The following HUNK variants were observed in gnomAD, a reference collection of about 807,000 sequenced individuals.
HUNK encodes the protein hormonally up-regulated Neu-associated kinase.
HUNK carries 21 observed loss-of-function variants against 61.0 expected under a neutral mutation model. The ratio of observed to expected loss-of-function variants is 0.34; its 90% CI spans 0.24 to 0.50. HUNK has a LOEUF of 0.50. HUNK is among the 20% of genes least tolerant of loss of function. The probability of loss-of-function intolerance (pLI) is 0.98; values close to 1 mark genes in which losing one functional copy is unlikely to be tolerated. For synonymous variants in HUNK, 371 were observed against 386.1 expected, an observed-to-expected ratio of 0.96 and a Z score of 0.46; for missense variants, 772 against 945.7, an observed-to-expected ratio of 0.82 and a Z score of 2.41.
intron 2 of HUNK, among the ~76,000 whole-genome samples, chr21:31,934,252 G>C (rs997949499): frequency 1.3e-5 from 2 of 151,854 alleles, no homozygotes; most frequent in African/African-American, 2.4e-5. Flanking sequence ...TCAGGAGATC[G>C]AGACCACGGT....
intron 1 of HUNK, among the ~76,000 whole-genome samples, chr21:31,919,146 T>C (rs1342542367): frequency 8.4e-6 from 1 of 119,156 alleles, no homozygotes; most frequent in Non-Finnish European, 1.7e-5. Context: ...CTGAGCGGTA[T>C]GAGGAGGAGG....
rs568097743 is a variant in HUNK at position 31,895,205 on chromosome 21, AG to A, written c.261+21273del. Among the ~76,000 whole-genome samples, 17 of 152,322 alleles carry A rather than the reference AG, an allele frequency of 1.1e-4. No individual in the cohort carries two copies. In the East Asian group the frequency reaches 3.3e-3, roughly 29 times the overall value. On this transcript the variant is annotated intron_variant, in intron 1 of 10. Coordinates refer to ENST00000270112, the MANE Select transcript of HUNK (RefSeq NM_014586.2). ...ACATGCTCTGGCATATGTAACAATT[AG>A]GGTCTTGGGGGAATGCCCTTCACGA...
At chr21:31,968,749 TGTGTGAGA>T (rs754549468) in intron 6 of HUNK, among the ~76,000 whole-genome samples, 2,250 of 95,104 alleles carry the variant, frequency 0.024, 68 homozygotes, top group African/African-American at 0.079. Context: ...TGTGTGTGTG[TGTGTGAGA>T]GAGAGAGAGT....
chr21:31,917,489 C>T (rs2052591621), intron 1 of HUNK, among the ~76,000 whole-genome samples: 1 of 152,160 alleles, frequency 6.6e-6, no homozygotes, highest in Admixed American at 6.6e-5. Flanking sequence ...TAATTTTCCA[C>T]CACTGCAGGA....
intron 1 of HUNK, among the ~76,000 whole-genome samples, chr21:31,891,086 A>G (rs867581837): frequency 6.6e-6 from 1 of 152,200 alleles, no homozygotes; most frequent in Non-Finnish European, 1.5e-5. Context: ...GAAGTGAGGT[A>G]CAGAAACAGG....
intron 2 of HUNK, among the ~76,000 whole-genome samples, chr21:31,927,562 T>A (rs1446452102): frequency 6.6e-6 from 1 of 151,512 alleles, no homozygotes; most frequent in Non-Finnish European, 1.5e-5. Context: ...GAGAATGGCA[T>A]GAACCAAGAA....
intron 1 of HUNK, among the ~76,000 whole-genome samples, chr21:31,902,581 T>G (rs928510889): frequency 1.1e-4 from 17 of 152,122 alleles, no homozygotes; most frequent in Non-Finnish European, 2.4e-4. Context: ...TTTCGTAGGG[T>G]CTTGCTGGTC....
chr21:31,905,847 T>G (rs2052501452), intron 1 of HUNK, among the ~76,000 whole-genome samples: 1 of 152,194 alleles, frequency 6.6e-6, no homozygotes, highest in South Asian at 2.1e-4. Context: ...GAAGGAAGCC[T>G]CGTGTTCTCA....
Position 31,998,700 on chromosome 21 carries a change from T to C in HUNK, c.1661T>C (p.Leu554Pro). 6.2e-7 allele frequency: 1 copy of C among 1,614,110 alleles called. No homozygotes were observed. The highest frequency in any genetic ancestry group is 1.6e-4 in the Middle Eastern group (1 of 6,062). ...STGIPHKEDP[L>P]MLDMVRSFES... is the part of the protein sequence containing the mutation. ...GGCATCCCCCACAAGGAAGACCCCC[T>C]GATGCTGGACATGGTGCGCTCCTTC... The change falls in exon 11 of 11, where the codon CTG (leucine) becomes CCG (proline). Residue 554 changes from leucine to proline, a missense_variant. Leu to Pro is a moderately conservative substitution (Grantham distance 98). Around this residue, in one of 2 missense-constraint regions of HUNK, gnomAD observed 413 missense variants for 444.4 expected, o/e 0.93. Transcript: ENST00000270112.
chr21:31,880,198 C>T (rs144289337), intron 1 of HUNK, among the ~76,000 whole-genome samples: 114 of 152,296 alleles, frequency 7.5e-4, no homozygotes, highest in Non-Finnish European at 1.3e-3. Context: ...CCTGCAGCAG[C>T]CCTGGTGGAG....
At chr21:31,903,677 C>T (rs1256662663) in intron 1 of HUNK, among the ~76,000 whole-genome samples, 2 of 152,202 alleles carry the variant, frequency 1.3e-5, no homozygotes, top group African/African-American at 4.8e-5. Context: ...CCCCAAACCT[C>T]TATTAAATAA....
chr21:31,945,977 C>G, intron 3 of HUNK, 59 bp from the exon 4 acceptor site: 1 of 1,527,380 alleles, frequency 6.5e-7, no homozygotes, highest in Non-Finnish European at 8.9e-7. Context: ...TTTTGTTCCT[C>G]CCTCTTCATT....
rs1339845743 is a variant in HUNK, at chr21:32,000,475, C to G, written c.*1291C>G. The G allele has an allele frequency of 2.5e-6, 1 of 399,024 alleles. No homozygotes were observed. Among genetic ancestry groups the G allele is most frequent in the Non-Finnish European group, 4.4e-6 (1 of 226,160 alleles). The allele number at this position is 399,024 out of a possible 1,614,324, so 24.7% of individuals were successfully genotyped here. On this transcript the variant is annotated 3_prime_UTR_variant, in exon 11 of 11. Coordinates refer to ENST00000270112, the MANE Select transcript of HUNK (RefSeq NM_014586.2). ...GGACAGCCGTGTTGTCTGACTGTATCCAGCTGGCACTTGACAGGGTGCAGT... is the reference window on the plus strand; with the variant it reads ...GGACAGCCGTGTTGTCTGACTGTATGCAGCTGGCACTTGACAGGGTGCAGT...
At chr21:31,893,124 T>C (rs1049663005) in intron 1 of HUNK, among the ~76,000 whole-genome samples, 8 of 152,048 alleles carry the variant, frequency 5.3e-5, no homozygotes, top group African/African-American at 1.7e-4. Context: ...GGACATCGTA[T>C]GCATGGGAGT....
chr21:31,922,447 C>T (rs1601380092), intron 1 of HUNK, among the ~76,000 whole-genome samples: 1 of 152,120 alleles, frequency 6.6e-6, no homozygotes, highest in Non-Finnish European at 1.5e-5. Context: ...CTGCCTAAGC[C>T]TCCCGAGTAG....
At chr21:31,961,995 G>A (rs1229659228) in intron 5 of HUNK, among the ~76,000 whole-genome samples, 8 of 152,324 alleles carry the variant, frequency 5.3e-5, no homozygotes, top group Non-Finnish European at 7.4e-5. Flanking sequence ...TTGAGAGCTG[G>A]ATCAAACATT....
intron 2 of HUNK, among the ~76,000 whole-genome samples, chr21:31,927,470 C>T (rs112939174): frequency 0.07 from 10,596 of 151,984 alleles, 451 homozygotes; most frequent in South Asian, 0.17. Context: ...AGTGAAACCC[C>T]GTCTCTACTA....
At chr21:31,886,587 GC>G (rs1241407408) in intron 1 of HUNK, among the ~76,000 whole-genome samples, 2 of 152,086 alleles carry the variant, frequency 1.3e-5, no homozygotes, top group Non-Finnish European at 2.9e-5. Flanking sequence ...TAGAGTGTAA[GC>G]CCCATGAGGA....
intron 2 of HUNK, among the ~76,000 whole-genome samples, chr21:31,939,157 A>G (rs2123826752): frequency 6.6e-6 from 1 of 152,120 alleles, no homozygotes; most frequent in South Asian, 2.1e-4. Context: ...GGCATCACCC[A>G]TTATCTGATT....
Sources: gnomAD v4.1 joint callset for allele counts (sites outside exome capture counted in the v4.1 genomes callset) on GRCh38, gnomAD v4.1.1 for gene constraint, gnomAD v4.1.1 regional missense constraint, MANE v1.5 for transcripts, NCBI Gene and HGNC (gene_info 2026-07-23, HGNC 2026-07-21) for gene names.